The following PHLPP1 variants were observed in gnomAD, a reference collection of about 807,000 sequenced individuals.
PHLPP1 encodes the protein PH domain leucine-rich repeat-containing protein phosphatase 1.
A neutral mutation model predicts 117.2 loss-of-function variants in PHLPP1; 42 were observed. That is an observed-to-expected ratio of 0.36 (90% confidence interval 0.28 to 0.46). PHLPP1 has a LOEUF of 0.46. Ranked by LOEUF, PHLPP1 falls within the 20% of genes least tolerant of loss-of-function variation. The pLI, the probability that PHLPP1 is intolerant of heterozygous loss-of-function variation, is 1.00. For synonymous variants in PHLPP1, 1,042 were observed against 970.7 expected (o/e 1.07, Z -1.37); for missense variants, 2,084 against 2,241.9 (o/e 0.93, Z 1.42).
At chr18:62,739,631 G>A (rs1037117017) in intron 1 of PHLPP1, among the ~76,000 whole-genome samples, 1 of 152,130 alleles carries the variant, frequency 6.6e-6, no homozygotes, top group Admixed American at 6.5e-5. Context: ...AAGGATGATG[G>A]ATGAACAGAG....
intron 1 of PHLPP1, among the ~76,000 whole-genome samples, chr18:62,817,466 G>GA (rs1188172249): frequency 6.6e-6 from 1 of 151,944 alleles, no homozygotes; most frequent in Non-Finnish European, 1.5e-5. Flanking sequence ...TTATAGAGAT[G>GA]AAAAATACAC....
chr18:62,835,979 C>T (rs1273437014), intron 2 of PHLPP1, among the ~76,000 whole-genome samples: 1 of 151,104 alleles, frequency 6.6e-6, no homozygotes, highest in Non-Finnish European at 1.5e-5. Flanking sequence ...TGGGGTTTCA[C>T]CATGTTGGCC....
intron 1 of PHLPP1, among the ~76,000 whole-genome samples, chr18:62,738,313 G>A (rs187045271): frequency 1.3e-3 from 195 of 152,108 alleles, no homozygotes; most frequent in Admixed American, 2.9e-3. Flanking sequence ...TTGTGATGGT[G>A]CCACTGCACT....
chr18:62,890,034 C>G (rs1044736337), intron 4 of PHLPP1, among the ~76,000 whole-genome samples: 2 of 152,026 alleles, frequency 1.3e-5, no homozygotes, highest in African/African-American at 4.8e-5. Context: ...ACTCCTTGTT[C>G]TGTAGGGGGC....
intron 6 of PHLPP1, 74 bp from the exon 7 acceptor site, chr18:62,902,890 T>G: frequency 1.1e-6 from 1 of 875,212 alleles, no homozygotes; most frequent in Non-Finnish European, 1.8e-6. Flanking sequence ...TTCTCGCTAT[T>G]TCTCATATTA....
At chr18:62,862,112 C>T (rs1335511274) in intron 4 of PHLPP1, among the ~76,000 whole-genome samples, 1 of 151,298 alleles carries the variant, frequency 6.6e-6, no homozygotes, top group African/African-American at 2.4e-5. Context: ...TGGAGTCTCA[C>T]TCTGTCGCCC....
intron 1 of PHLPP1, among the ~76,000 whole-genome samples, chr18:62,818,774 A>G (rs1336649480): frequency 6.6e-6 from 1 of 152,188 alleles, no homozygotes; most frequent in Non-Finnish European, 1.5e-5. Context: ...AAAGATAACA[A>G]TAGTATATTG....
intron 3 of PHLPP1, among the ~76,000 whole-genome samples, chr18:62,860,013 TTACA>T (rs2144361545): frequency 6.6e-6 from 1 of 152,344 alleles, no homozygotes; most frequent in South Asian, 2.1e-4. Context: ...CAGTGTGTAC[TTACA>T]CAAACCTAGA....
chr18:62,725,850 C>T (rs1253359586), intron 1 of PHLPP1, among the ~76,000 whole-genome samples: 3 of 152,144 alleles, frequency 2.0e-5, no homozygotes, highest in Non-Finnish European at 1.5e-5. Context: ...CCAAAGATTA[C>T]TGTTCAATTT....
At chr18:62,778,489 A>G (rs1380279622) in intron 1 of PHLPP1, among the ~76,000 whole-genome samples, 1 of 152,194 alleles carries the variant, frequency 6.6e-6, no homozygotes, top group Non-Finnish European at 1.5e-5. Flanking sequence ...TAAATTCATT[A>G]TTTATTCTTT....
chr18:62,773,851 C>T (rs193108162), intron 1 of PHLPP1, among the ~76,000 whole-genome samples: 14 of 152,198 alleles, frequency 9.2e-5, no homozygotes, highest in East Asian at 3.9e-4. Flanking sequence ...ATCAAGTTGC[C>T]GGCAGATTCC....
intron 14 of PHLPP1, among the ~76,000 whole-genome samples, chr18:62,972,080 G>A (rs962208279): frequency 2.6e-5 from 4 of 152,080 alleles, no homozygotes; most frequent in African/African-American, 9.7e-5. Flanking sequence ...GTCATTTGAG[G>A]CTTTTTCTGT....
chr18:62,922,454 G>C (rs671646), intron 10 of PHLPP1, among the ~76,000 whole-genome samples: 53,972 of 152,082 alleles, frequency 0.35, 11,620 homozygotes, highest in Non-Finnish European at 0.49. Flanking sequence ...TTGTTTTTAC[G>C]TTAATATCAA....
At chr18:62,769,261 A>G (rs981389183) in intron 1 of PHLPP1, among the ~76,000 whole-genome samples, 2 of 152,214 alleles carry the variant, frequency 1.3e-5, no homozygotes, top group Admixed American at 6.5e-5. Context: ...GCCTTTTAGT[A>G]TTGTGGAATC....
chr18:62,971,396 CTG>C (rs1235597506), intron 14 of PHLPP1, among the ~76,000 whole-genome samples: 11 of 146,208 alleles, frequency 7.5e-5, no homozygotes, highest in South Asian at 2.2e-4. Flanking sequence ...TTTTTCCTCT[CTG>C]TTTCATTTTG....
At chr18:62,765,450 A>C (rs553995012) in intron 1 of PHLPP1, among the ~76,000 whole-genome samples, 71 of 152,230 alleles carry the variant, frequency 4.7e-4, no homozygotes, top group Non-Finnish European at 9.4e-4. Flanking sequence ...ATTTATGCTT[A>C]AGTTAAGCTT....
chr18:62,771,060 A>G (rs891570341), intron 1 of PHLPP1, among the ~76,000 whole-genome samples: 2 of 152,082 alleles, frequency 1.3e-5, no homozygotes, highest in African/African-American at 2.4e-5. Flanking sequence ...CTAAAAATAC[A>G]AAAATGAACT....
intron 1 of PHLPP1, among the ~76,000 whole-genome samples, chr18:62,785,089 T>C (rs1191238778): frequency 1.3e-5 from 2 of 152,234 alleles, no homozygotes; most frequent in Non-Finnish European, 2.9e-5. Context: ...GTAATTGATG[T>C]ATTGTTTATA....
At chr18:62,942,543 C>T (rs964137998) in intron 11 of PHLPP1, among the ~76,000 whole-genome samples, 1 of 152,160 alleles carries the variant, frequency 6.6e-6, no homozygotes, top group Non-Finnish European at 1.5e-5. Flanking sequence ...TTCTGGCTCT[C>T]AAAATAGTCC....
Sources: allele counts gnomAD v4.1 joint callset (sites outside exome capture counted in the v4.1 genomes callset), GRCh38; gene constraint gnomAD v4.1.1; transcripts MANE v1.5; gene names NCBI Gene and HGNC (gene_info 2026-07-23, HGNC 2026-07-21).